DGLUCY: variants seen among roughly 807,000 people sequenced by gnomAD.
DGLUCY encodes the protein D-glutamate cyclase, mitochondrial.
Under a neutral mutation model 58.5 loss-of-function variants are expected in DGLUCY, and 58 were observed. The observed-to-expected ratio is 0.99, with a 90% CI of 0.80 to 1.23. DGLUCY has a LOEUF of 1.23. DGLUCY is among the 50% of genes most tolerant of loss of function. The probability of loss-of-function intolerance (pLI) is 0.00; values close to 1 mark genes in which losing one functional copy is unlikely to be tolerated. For synonymous variants in DGLUCY, 325 were observed against 314.1 expected, an observed-to-expected ratio of 1.03 and a Z score of -0.37; for missense variants, 779 against 784.7, an observed-to-expected ratio of 0.99 and a Z score of 0.09.
intron 1 of DGLUCY, among the ~76,000 whole-genome samples, chr14:91,083,499 G>A (rs2044161508): frequency 6.7e-6 from 1 of 149,946 alleles, no homozygotes; most frequent in Admixed American, 6.7e-5. Flanking sequence ...TCCAAGCCTG[G>A]GTGACAGAGA....
intron 12 of DGLUCY, among the ~76,000 whole-genome samples, chr14:91,207,056 G>T (rs182974271): frequency 3.3e-5 from 5 of 151,144 alleles, no homozygotes; most frequent in South Asian, 2.1e-4. Context: ...TACGTGGGGG[G>T]GCTGAGGTGG....
intron 1 of DGLUCY, among the ~76,000 whole-genome samples, chr14:91,084,344 C>T (rs2044176353): frequency 6.6e-6 from 1 of 151,946 alleles, no homozygotes; most frequent in South Asian, 2.1e-4. Context: ...GCTGGAACTA[C>T]AGGCACCCAC....
intron 12 of DGLUCY, among the ~76,000 whole-genome samples, chr14:91,211,697 T>A (rs1885699468): frequency 6.6e-6 from 1 of 152,252 alleles, no homozygotes; most frequent in Admixed American, 6.5e-5. Flanking sequence ...CAAAATGGAT[T>A]ATGAACTTAA....
intron 4 of DGLUCY, among the ~76,000 whole-genome samples, chr14:91,168,833 T>C (rs1385748399): frequency 6.6e-6 from 1 of 152,186 alleles, no homozygotes; most frequent in Admixed American, 6.5e-5. Context: ...ACGCCTGTAA[T>C]CCCAGCACTT....
At chr14:91,204,929 T>G in intron 12 of DGLUCY, 104 bp downstream of exon 12, 2 of 1,504,414 alleles carry the variant, frequency 1.3e-6, no homozygotes, top group South Asian at 2.4e-5. Context: ...AGTCAGTCCA[T>G]AGGGCACCAG....
At chr14:91,099,026 C>T (rs961669595) in intron 1 of DGLUCY, among the ~76,000 whole-genome samples, 1 of 152,170 alleles carries the variant, frequency 6.6e-6, no homozygotes, top group African/African-American at 2.4e-5. Flanking sequence ...CTGCTCTAGG[C>T]ACAGAGCAAG....
chr14:91,202,009 C>T (rs905766320), intron 11 of DGLUCY, among the ~76,000 whole-genome samples: 3 of 151,174 alleles, frequency 2.0e-5, no homozygotes, highest in East Asian at 1.9e-4. Flanking sequence ...GAGCCAAGAT[C>T]GCGCCACTGC....
At chr14:91,209,147 CTACTAAAA>C (rs1244138545) in intron 12 of DGLUCY, among the ~76,000 whole-genome samples, 1 of 151,800 alleles carries the variant, frequency 6.6e-6, no homozygotes, top group African/African-American at 2.4e-5. Flanking sequence ...ACTCCCATCT[CTACTAAAA>C]TACAAAAGTT....
chr14:91,097,592 A>G (rs1234541946), intron 1 of DGLUCY, among the ~76,000 whole-genome samples: 1 of 151,988 alleles, frequency 6.6e-6, no homozygotes, highest in African/African-American at 2.4e-5. Flanking sequence ...CAGTCCCCAC[A>G]AGGCAGGCTT....
At position 91,083,935 on chromosome 14, in the gene DGLUCY, A is replaced by G. The variant is rs138717862; in HGVS notation, c.-82+23231A>G. On this transcript the variant is annotated intron_variant, in intron 1 of 4. Coordinates refer to the DGLUCY transcript ENST00000521334. ...CTCTGCTTTAATGGCTTCATAGCAT[A>G]GACCACTATCCAAAATGATCTTGTT... 1.7e-3 allele frequency among the ~76,000 whole-genome samples: 257 copies of G among 152,208 alleles called. 2 individuals are homozygous for G. Among genetic ancestry groups the G allele is most frequent in the African/African-American group, 6.0e-3 (251 of 41,536 alleles).
At chr14:91,062,606 TATATA>T (rs1399166828) in intron 1 of DGLUCY, among the ~76,000 whole-genome samples, 867 of 30,046 alleles carry the variant, frequency 0.029, 79 homozygotes, top group Admixed American at 0.032. Flanking sequence ...TATATATATA[TATATA>T]AACAATCCTT....
At chr14:91,079,527 TA>T (rs1392525404) in intron 1 of DGLUCY, among the ~76,000 whole-genome samples, 1 of 152,144 alleles carries the variant, frequency 6.6e-6, no homozygotes, top group Non-Finnish European at 1.5e-5. Context: ...CTAGTTTTTG[TA>T]TTTTTAGTAG....
At chr14:91,104,510 A>C (rs2044554240), upstream of DGLUCY, among the ~76,000 whole-genome samples, 1 of 152,196 alleles carries the variant, frequency 6.6e-6, no homozygotes, top group Non-Finnish European at 1.5e-5. Flanking sequence ...GTAGTGTCAC[A>C]GTTGAGAAAC....
chr14:91,088,281 G>A (rs1387570629), intron 1 of DGLUCY, among the ~76,000 whole-genome samples: 1 of 152,146 alleles, frequency 6.6e-6, no homozygotes, highest in Non-Finnish European at 1.5e-5. Flanking sequence ...GTGATATAAA[G>A]CATCATGTTT....
In DGLUCY at chr14:91,075,072, CA is replaced by C. The variant is rs1163669924; in HGVS notation, c.-82+14384del. ...GGGCAACAAGAGAGAAACTCCGTCTCAAAAAAAAAAAAAAAAGAAGAATTGC... is the reference window on the plus strand; with the variant it reads ...GGGCAACAAGAGAGAAACTCCGTCTCAAAAAAAAAAAAAAAGAAGAATTGC... On this transcript the variant is annotated intron_variant, in intron 1 of 4. Transcript: ENST00000521334. Among the ~76,000 whole-genome samples the C allele has an allele frequency of 9.5e-3, 1,090 of 115,314 alleles. 3 individuals carry two copies. The highest frequency in any genetic ancestry group is 0.02 in the Admixed American group (223 of 11,358). 75.7% of individuals were successfully genotyped at this position (115,314 alleles called of 152,430 possible). A position where few individuals can be genotyped will look rare whatever the true frequency, so the allele number is the denominator to read the frequency against.
intron 1 of DGLUCY, among the ~76,000 whole-genome samples, chr14:91,140,342 C>G (rs1428822738): frequency 1.3e-5 from 2 of 152,158 alleles, no homozygotes; most frequent in Admixed American, 1.3e-4. Context: ...TTGTTGTTTC[C>G]TACAATATAG....
At chr14:91,062,043 A>G (rs2043702765) in intron 1 of DGLUCY, among the ~76,000 whole-genome samples, 1 of 152,178 alleles carries the variant, frequency 6.6e-6, no homozygotes, top group Non-Finnish European at 1.5e-5. Context: ...TAAGGGCCAG[A>G]TAGTAAATAT....
chr14:91,068,069 A>ACACACG (rs1555387684), intron 1 of DGLUCY, among the ~76,000 whole-genome samples: 2 of 102,154 alleles, frequency 2.0e-5, no homozygotes, highest in South Asian at 3.8e-4. Context: ...GCACACACAC[A>ACACACG]CACGCGCACG....
intron 7 of DGLUCY, among the ~76,000 whole-genome samples, chr14:91,179,237 A>G (rs1014762630): frequency 3.9e-5 from 6 of 152,210 alleles, no homozygotes; most frequent in Non-Finnish European, 7.3e-5. Context: ...GGTAAATAGT[A>G]TGGTATTAAG....
Sources: gnomAD v4.1 joint callset for allele counts (sites outside exome capture counted in the v4.1 genomes callset) on GRCh38, gnomAD v4.1.1 for gene constraint, MANE v1.5 for transcripts, NCBI Gene and HGNC (gene_info 2026-07-23, HGNC 2026-07-21) for gene names.